The following DNAH14 variants were observed in gnomAD, a reference collection of about 807,000 sequenced individuals.
DNAH14 encodes the protein dynein axonemal heavy chain 14, also known as axonemal beta dynein heavy chain 14.
In DNAH14, 478 loss-of-function variants were observed where a neutral mutation model predicts 520.9. The observed-to-expected ratio is 0.92, with a 90% CI of 0.85 to 0.99. DNAH14 has a LOEUF of 0.99. Among genes scored for constraint, DNAH14 ranks in the 50% least tolerant of loss-of-function variants. The pLI, the probability that DNAH14 is intolerant of heterozygous loss-of-function variation, is 0.00. For synonymous variants in DNAH14, 1,581 were observed against 1,757.2 expected (o/e 0.90, Z 2.51); for missense variants, 4,831 against 5,234.5 (o/e 0.92, Z 2.38).
intron 1 of DNAH14, among the ~76,000 whole-genome samples, chr1:224,945,267 C>T (rs2059721317): frequency 6.6e-6 from 1 of 152,094 alleles, no homozygotes; most frequent in Non-Finnish European, 1.5e-5. Flanking sequence ...GGATACTCTT[C>T]CTTCCAGTTG....
rs1344621962 is a variant in DNAH14 at position 225,336,088 on chromosome 1, T to C, written c.10081-1178T>C. Among the ~76,000 whole-genome samples the C allele has an allele frequency of 1.5e-4, 23 of 148,952 alleles. No homozygotes were observed. The East Asian group carries it at 4.0e-3, about 26-fold the overall frequency. On this transcript the variant is annotated intron_variant, in intron 66 of 85. Transcript: ENST00000682510. The stretch of plus-strand genomic sequence containing the variant: ...ATACATACATACTTATATATACATA[T>C]ATGCTTATACATATATGTATAAGAC...
At chr1:225,050,527 A>G (rs2068435939) in intron 16 of DNAH14, among the ~76,000 whole-genome samples, 151 bp downstream of exon 16, 1 of 152,186 alleles carries the variant, frequency 6.6e-6, no homozygotes, top group South Asian at 2.1e-4. Context: ...TGTTTTTCCC[A>G]TGATCTGTCA....
intron 69 of DNAH14, among the ~76,000 whole-genome samples, chr1:225,345,087 A>G (rs987271062): frequency 2.6e-5 from 4 of 152,140 alleles, no homozygotes; most frequent in South Asian, 2.1e-4. Flanking sequence ...ATGGTGTGGT[A>G]GGGTGAGTAC....
chr1:225,112,962 C>G (rs930608009), intron 23 of DNAH14, among the ~76,000 whole-genome samples: 1 of 152,080 alleles, frequency 6.6e-6, no homozygotes, highest in African/African-American at 2.4e-5. Flanking sequence ...TCACATATCT[C>G]TGTCACTTTG....
chr1:225,228,079 G>T (rs2090722138), intron 41 of DNAH14, among the ~76,000 whole-genome samples: 1 of 152,138 alleles, frequency 6.6e-6, no homozygotes, highest in Non-Finnish European at 1.5e-5. Context: ...CTCTGCCCTT[G>T]CCATCTTAGA....
rs545165933 is a variant in DNAH14 at position 225,004,766 on chromosome 1, C to T, written c.975+1839C>T. ...AAGGTGGCCAGTTGTGCATTAGAAT[C>T]GGAAGGTTATGCATAGCCCAGGGAT... On this transcript the variant is annotated intron_variant, in intron 9 of 85. Coordinates refer to ENST00000682510, the MANE Select transcript of DNAH14 (RefSeq NM_001367479.1). Among the ~76,000 whole-genome samples the T allele has an allele frequency of 2.6e-5, 4 of 152,206 alleles. No homozygotes were observed. In the East Asian group the frequency reaches 5.8e-4, roughly 22 times the overall value.
chr1:225,393,980 G>A (rs546775169), intron 84 of DNAH14, among the ~76,000 whole-genome samples: 1 of 151,698 alleles, frequency 6.6e-6, no homozygotes, highest in Non-Finnish European at 1.5e-5. Flanking sequence ...CACCACACCC[G>A]GCTAATATTT....
At chr1:225,357,120 G>A (rs1018625517) in intron 73 of DNAH14, among the ~76,000 whole-genome samples, 3 of 152,122 alleles carry the variant, frequency 2.0e-5, no homozygotes, top group African/African-American at 7.2e-5. Context: ...ATGAAGGCAA[G>A]GACTTTGCCT....
chr1:225,045,076 T>C (rs2067826890), intron 15 of DNAH14, among the ~76,000 whole-genome samples: 1 of 152,104 alleles, frequency 6.6e-6, no homozygotes, highest in Non-Finnish European at 1.5e-5. Context: ...AATAAAGCCA[T>C]ATATATAATT....
chr1:225,313,558 G>T lies in DNAH14; in HGVS notation c.9241-5025G>T, dbSNP rs186660723. 1.7e-4 allele frequency among the ~76,000 whole-genome samples: 26 copies of T among 152,164 alleles called. No individual in the cohort carries two copies. The South Asian group carries it at 4.2e-3, about 24-fold the overall frequency. On this transcript the variant is annotated intron_variant, in intron 60 of 85. Coordinates refer to ENST00000682510, the MANE Select transcript of DNAH14 (RefSeq NM_001367479.1). ...AGGGTGTTGATTTTAGATCTTTCTC[G>T]CTTTCTCCTGTGGGCATTTAGTGCC...
At chr1:225,230,550 T>C (rs1362625597) in intron 41 of DNAH14, among the ~76,000 whole-genome samples, 1 of 152,110 alleles carries the variant, frequency 6.6e-6, no homozygotes, top group Non-Finnish European at 1.5e-5. Context: ...TTACTCTTTG[T>C]GTTTCTCTGT....
At chr1:225,015,858 C>T (rs1005887149) in intron 10 of DNAH14, among the ~76,000 whole-genome samples, 1 of 152,224 alleles carries the variant, frequency 6.6e-6, no homozygotes, top group Non-Finnish European at 1.5e-5. Context: ...GGATACCACA[C>T]TCACCAGACT....
At chr1:225,007,739 T>C (rs2064293131) in intron 10 of DNAH14, among the ~76,000 whole-genome samples, 195 bp downstream of exon 10, 1 of 151,764 alleles carries the variant, frequency 6.6e-6, no homozygotes, top group African/African-American at 2.4e-5. Context: ...TGCAAATAAA[T>C]ATATATTTAT....
At chr1:225,331,788 C>T (rs12141404) in intron 65 of DNAH14, among the ~76,000 whole-genome samples, 14,248 of 152,160 alleles carry the variant, frequency 0.094, 1,120 homozygotes, top group African/African-American at 0.22. Flanking sequence ...AAGTATCTGA[C>T]GTTATCTCCT....
intron 55 of DNAH14, among the ~76,000 whole-genome samples, chr1:225,298,158 A>T (rs2094053932): frequency 6.6e-6 from 1 of 151,944 alleles, no homozygotes; most frequent in Non-Finnish European, 1.5e-5. Flanking sequence ...CAGGCCTAGG[A>T]TGCAGGCAAA....
chr1:225,085,023 C>G (rs3128656), intron 20 of DNAH14, among the ~76,000 whole-genome samples: 121,107 of 151,864 alleles, frequency 0.8, 51,661 homozygotes, highest in Non-Finnish European at 0.96. Context: ...TCATCTTTGG[C>G]AAGCATATAA....
At chr1:225,388,843 C>A (rs1418989284) in intron 82 of DNAH14, among the ~76,000 whole-genome samples, 1 of 152,064 alleles carries the variant, frequency 6.6e-6, no homozygotes, top group Non-Finnish European at 1.5e-5. Context: ...GTGGCACGAT[C>A]TCTGTTCACT....
rs533823966 is a variant in DNAH14, at chr1:225,102,497, A to C, written c.3867+1613A>C. Among the ~76,000 whole-genome samples the C allele has an allele frequency of 4.7e-3, 718 of 152,312 alleles. 4 individuals are homozygous for C. Among genetic ancestry groups the C allele is most frequent in the African/African-American group, 0.016 (674 of 41,578 alleles). Reference sequence around the variant, plus strand: ...TTCTACAATGGCTGAACTAGTTTACAGTCCCACCAACAGTGTAAAAGTGTT... The same window carrying C: ...TTCTACAATGGCTGAACTAGTTTACCGTCCCACCAACAGTGTAAAAGTGTT... On this transcript the variant is annotated intron_variant, in intron 23 of 85. Coordinates refer to ENST00000682510, the MANE Select transcript of DNAH14 (RefSeq NM_001367479.1).
chr1:225,394,706 G>C (rs2095979655), intron 84 of DNAH14, among the ~76,000 whole-genome samples: 1 of 152,080 alleles, frequency 6.6e-6, no homozygotes, highest in Non-Finnish European at 1.5e-5. Context: ...TAGCCAGGTT[G>C]GGTGGTGCGC....
Sources: allele counts gnomAD v4.1 joint callset (sites outside exome capture counted in the v4.1 genomes callset), GRCh38; gene constraint gnomAD v4.1.1; transcripts MANE v1.5; gene names NCBI Gene and HGNC (gene_info 2026-07-23, HGNC 2026-07-21).